Variants in MZT2A observed in about 807,000 individuals in gnomAD.
MZT2A encodes mitotic spindle organizing protein 2A.
In MZT2A, 8 loss-of-function variants were observed where a neutral mutation model predicts 12.4. The observed-to-expected ratio is 0.64, with a 90% CI of 0.38 to 1.16. MZT2A has a LOEUF of 1.16. MZT2A is among the 50% of genes most tolerant of loss of function. MZT2A has a pLI of 0.01. For synonymous variants in MZT2A, 88 were observed against 107.5 expected (o/e 0.82, Z 1.12); for missense variants, 181 against 223.6 (o/e 0.81, Z 1.22).
intron 3 of MZT2A, among the ~76,000 whole-genome samples, chr2:131,471,836 T>C (rs13015568): frequency 0.022 from 3,343 of 152,100 alleles, 55 homozygotes; most frequent in South Asian, 0.073. Context: ...GCAGGCAGCA[T>C]GCTGAAAGGC....
At chr2:131,476,228 G>A (rs773378521) in intron 2 of MZT2A, 47 of 1,613,784 alleles carry the variant, frequency 2.9e-5, no homozygotes, top group Middle Eastern at 1.7e-4. Context: ...CTCCCGCCCC[G>A]CAGATGCCCA....
intron 2 of MZT2A, among the ~76,000 whole-genome samples, chr2:131,475,734 G>A: frequency 6.6e-6 from 1 of 152,076 alleles, no homozygotes; most frequent in African/African-American, 2.4e-5. Flanking sequence ...CTGTGACTTG[G>A]GTAGATGGCG....
chr2:131,493,268 C>A (rs958334637), upstream of MZT2A: 69 of 1,337,272 alleles, frequency 5.2e-5, 1 homozygote, highest in Middle Eastern at 2.8e-4. Context: ...CTGCCCAGGC[C>A]GGGCAGGCTG....
intron 2 of MZT2A, chr2:131,478,593 G>A: frequency 2.3e-6 from 2 of 877,666 alleles, no homozygotes; most frequent in South Asian, 3.8e-5. Flanking sequence ...TGACCTACAG[G>A]GAAAAGCTGC....
rs780848305 is a variant in MZT2A, at chr2:131,491,876, C to T, written c.319G>A (p.Gly107Arg). 2.0e-6 allele frequency: 3 copies of T among 1,487,762 alleles called. No homozygotes were observed. The highest frequency in any genetic ancestry group is 1.3e-5 in the South Asian group (1 of 75,808). The allele number at this position is 1,487,762 out of a possible 1,614,324, so 92.2% of individuals were successfully genotyped here. Residue 107 changes from glycine to arginine, a missense_variant and splice_region_variant, in exon 2 of 3, where the codon GGG becomes AGG. Physicochemically the swap from Gly to Arg is moderately radical, Grantham distance 125 (BLOSUM62 -2). This residue lies in a region of MZT2A where 72 missense variants were observed against 76.9 expected (regional missense o/e 0.94). Transcript: ENST00000309451. ...CAGGGACAGCGGGCCCAGCTCTGAC[C>T]TCGGGTCTCGGGCACGCTCGACGTG... is the stretch of plus-strand genomic sequence containing the variant. ...LPTSSVPETR[G>R]RDKGSAALGG...
intron 4 of MZT2A, chr2:131,469,808 C>CGCCTTTT (rs1390873773): frequency 1.5e-5 from 2 of 131,486 alleles, no homozygotes; most frequent in African/African-American, 7.8e-5. Context: ...TCCTCCCCCC[C>CGCCTTTT]TTTTTTTTTT....
chr2:131,469,813 T>C (rs1292200863), intron 4 of MZT2A: 4 of 144,460 alleles, frequency 2.8e-5, no homozygotes, highest in East Asian at 1.9e-4. Context: ...CCCCCCTTTT[T>C]TTTTTTTGAG....
In MZT2A at chr2:131,477,793, C is replaced by T. The variant is rs1678724040; in HGVS notation, c.279-5611G>A. ...CTACTCTGTATTTCCTTACCCAACC[C>T]GACTACCTTATCCTTTGATCAGGAC... On this transcript the variant is annotated intron_variant and NMD_transcript_variant, in intron 2 of 4. Coordinates refer to the MZT2A transcript ENST00000427024. Among the ~76,000 whole-genome samples, 10 of 152,036 alleles carry T rather than the reference C, an allele frequency of 6.6e-5. 1 individual carries two copies. In the South Asian group the frequency reaches 1.9e-3, roughly 28 times the overall value.
At chr2:131,490,594 C>T (rs1484271020) in intron 2 of MZT2A, 3 of 1,542,256 alleles carry the variant, frequency 1.9e-6, no homozygotes, top group South Asian at 2.4e-5. Flanking sequence ...GGCAGGGCAG[C>T]GGTGGCCTGC....
At chr2:131,472,568 A>G (rs565885843) in intron 2 of MZT2A, among the ~76,000 whole-genome samples, 1 of 152,330 alleles carries the variant, frequency 6.6e-6, no homozygotes, top group East Asian at 1.9e-4. Context: ...CAGACAGCAT[A>G]TATATAACAG....
intron 2 of MZT2A, among the ~76,000 whole-genome samples, chr2:131,477,105 A>G (rs1487320145): frequency 2.0e-5 from 3 of 150,778 alleles, no homozygotes; most frequent in Non-Finnish European, 3.0e-5. Flanking sequence ...TTGCAGGATC[A>G]CGGCTCCCTG....
chr2:131,491,051 T>C (rs1573876800), intron 2 of MZT2A: 2 of 1,171,274 alleles, frequency 1.7e-6, no homozygotes, highest in African/African-American at 1.5e-5. Context: ...CTTCTCATGA[T>C]GCCTGTGAGG....
chr2:131,480,401 C>T, downstream of MZT2A: 1 of 1,588,788 alleles, frequency 6.3e-7, no homozygotes, highest in South Asian at 1.1e-5. Context: ...AGATCGTGTC[C>T]TCCATCACAG....
At chr2:131,492,070 C>T in intron 1 of MZT2A, 46 bp from the exon 2 acceptor site, 1 of 1,563,668 alleles carries the variant, frequency 6.4e-7, no homozygotes, top group South Asian at 1.2e-5. Flanking sequence ...CCGCCCGGCG[C>T]GGCCACCTCC....
chr2:131,483,537 A>T (rs112861226), downstream of MZT2A, among the ~76,000 whole-genome samples: 160 of 152,134 alleles, frequency 1.1e-3, no homozygotes, highest in African/African-American at 3.8e-3. Context: ...AACATGGTGA[A>T]ACCCCGTCTC....
At chr2:131,472,299 A>G in intron 2 of MZT2A, 1 of 851,588 alleles carries the variant, frequency 1.2e-6, no homozygotes, top group Non-Finnish European at 1.6e-6. Context: ...GACTCTTTTT[A>G]TTGCTGTATA....
chr2:131,480,581 C>T (rs532066293), downstream of MZT2A: 31 of 1,611,594 alleles, frequency 1.9e-5, no homozygotes, highest in Middle Eastern at 3.3e-4. Flanking sequence ...ATGCCTGCTT[C>T]GAGCCAGCCA....
At chr2:131,472,570 A>G (rs1037595531) in intron 2 of MZT2A, among the ~76,000 whole-genome samples, 3 of 152,238 alleles carry the variant, frequency 2.0e-5, no homozygotes, top group African/African-American at 7.2e-5. Context: ...GACAGCATAT[A>G]TATAACAGTG....
chr2:131,492,973 C>T, upstream of MZT2A: 10 of 1,524,098 alleles, frequency 6.6e-6, no homozygotes, highest in Admixed American at 2.0e-5. Flanking sequence ...GGCCGGCCTT[C>T]TTCGCTTTGC....
Sources: gnomAD v4.1 joint callset for allele counts (sites outside exome capture counted in the v4.1 genomes callset) on GRCh38, gnomAD v4.1.1 for gene constraint, gnomAD v4.1.1 regional missense constraint, MANE v1.5 for transcripts, NCBI Gene and HGNC (gene_info 2026-07-23, HGNC 2026-07-21) for gene names.